The following TEX11 variants were observed in gnomAD, a reference collection of about 807,000 sequenced individuals.
TEX11 encodes the protein testis-expressed protein 11.
A neutral mutation model predicts 84.4 loss-of-function variants in TEX11; 7 were observed. The ratio of observed to expected loss-of-function variants is 0.08; its 90% CI spans 0.05 to 0.16. TEX11 has a LOEUF of 0.16. Among genes scored for constraint, TEX11 ranks in the 10% least tolerant of loss-of-function variants. The pLI is 1.00. For missense variants in TEX11, 551 were observed against 660.5 expected, an observed-to-expected ratio of 0.83 and a Z score of 1.82; for synonymous variants, 264 against 222.8, an observed-to-expected ratio of 1.18 and a Z score of -1.64.
chrX:70,893,897 C>G (rs1196563167), intron 2 of TEX11, among the ~76,000 whole-genome samples: 9 of 111,534 alleles, frequency 8.1e-5, no homozygotes, highest in Non-Finnish European at 1.7e-4. Context: ...AGGCTATCAC[C>G]ACTGGTCCCA....
chrX:70,874,603 T>A (rs1041221273), intron 3 of TEX11, among the ~76,000 whole-genome samples: 1 of 107,279 alleles, frequency 9.3e-6, no homozygotes, highest in Admixed American at 1.0e-4. Context: ...GGTTTCACCA[T>A]GTAGGCCAGA....
At position 70,851,600 on chromosome X, in the gene TEX11, G is replaced by A. The variant is rs774473134; in HGVS notation, c.525+1434C>T. ...GCAGTTTCTCAAAAGGTTAAACACA[G>A]ACTTAGAGTTACCATGCTACCCAAC... On this transcript the variant is annotated intron_variant, in intron 7 of 29. Coordinates refer to ENST00000374333, the MANE Select transcript of TEX11 (RefSeq NM_031276.3). 5.5e-5 allele frequency among the ~76,000 whole-genome samples: 6 copies of A among 108,406 alleles called. No homozygotes were observed. The South Asian group carries it at 2.4e-3, about 44-fold the overall frequency. 94.1% of individuals were successfully genotyped at this position (108,406 alleles called of 115,157 possible).
intron 11 of TEX11, among the ~76,000 whole-genome samples, chrX:70,732,701 A>G (rs1263536593): frequency 3.6e-5 from 4 of 111,345 alleles, no homozygotes; most frequent in South Asian, 3.8e-4. Flanking sequence ...AGGAAGAATC[A>G]ATATCATGAA....
At chrX:70,899,969 C>G (rs2091793248) in intron 2 of TEX11, among the ~76,000 whole-genome samples, 1 of 99,161 alleles carries the variant, frequency 1.0e-5, no homozygotes. Flanking sequence ...TTGGCCAGAA[C>G]AGCCTGGCCA....
At chrX:70,676,566 C>T (rs777331743) in intron 15 of TEX11, among the ~76,000 whole-genome samples, 10 of 111,571 alleles carry the variant, frequency 9.0e-5, no homozygotes, top group South Asian at 3.8e-4. Context: ...TGATTACGTG[C>T]GTTGGTGTCG....
chrX:70,709,805 G>A (rs1180742866), intron 13 of TEX11, among the ~76,000 whole-genome samples: 1 of 111,021 alleles, frequency 9.0e-6, no homozygotes, highest in African/African-American at 3.3e-5. Context: ...AGGCTTTCTG[G>A]TCTTTCTTTT....
intron 20 of TEX11, among the ~76,000 whole-genome samples, chrX:70,611,201 G>C (rs150042692): frequency 3.2e-4 from 36 of 112,382 alleles, no homozygotes; most frequent in African/African-American, 1.2e-3. Context: ...TAAGGAGCTT[G>C]GAAGTTGCCA....
intron 16 of TEX11, among the ~76,000 whole-genome samples, chrX:70,661,560 A>T (rs2089927270): frequency 8.9e-6 from 1 of 111,936 alleles, no homozygotes; most frequent in African/African-American, 3.2e-5. Context: ...GAGATCTGAG[A>T]ATAGACAGAC....
At chrX:70,673,941 TG>T (rs1182213791) in intron 15 of TEX11, among the ~76,000 whole-genome samples, 1 of 111,910 alleles carries the variant, frequency 8.9e-6, no homozygotes, top group Non-Finnish European at 1.9e-5. Context: ...GGTGAAGGTT[TG>T]TTACATAGGT....
intron 17 of TEX11, among the ~76,000 whole-genome samples, chrX:70,649,582 C>T (rs73634834): frequency 0.017 from 1,868 of 111,738 alleles, 37 homozygotes; most frequent in African/African-American, 0.058. Context: ...CACAGTCCCA[C>T]TCCTAGATAT....
At chrX:70,843,100 A>G (rs148923170) in intron 7 of TEX11, among the ~76,000 whole-genome samples, 35,622 of 110,685 alleles carry the variant, frequency 0.32, 4,464 homozygotes, top group Admixed American at 0.46. Context: ...AGCTACCAAC[A>G]ACTTTCTTCA....
chrX:70,763,729 G>A (rs372796115), intron 9 of TEX11, among the ~76,000 whole-genome samples: 4 of 111,318 alleles, frequency 3.6e-5, no homozygotes, highest in South Asian at 7.6e-4. Context: ...AAAACTATAA[G>A]AAGAGACAAA....
chrX:70,588,604 T>C (rs1298744315), intron 25 of TEX11, among the ~76,000 whole-genome samples: 1 of 111,693 alleles, frequency 9.0e-6, no homozygotes, highest in East Asian at 2.8e-4. Flanking sequence ...TCTCAGGCAG[T>C]TCTTTACAGC....
At chrX:70,521,081 C>T in the TEX11 span, among the ~76,000 whole-genome samples, 1 of 111,463 alleles carries the variant, frequency 9.0e-6, no homozygotes, top group Non-Finnish European at 1.9e-5. Flanking sequence ...CCCCTGACCC[C>T]TTGTGCTTCC....
intron 9 of TEX11, among the ~76,000 whole-genome samples, chrX:70,760,240 C>T (rs1484413960): frequency 1.8e-5 from 2 of 111,948 alleles, no homozygotes; most frequent in Non-Finnish European, 3.8e-5. Flanking sequence ...CAATGACTTT[C>T]TTCACAGAAT....
chrX:70,675,849 C>T (rs1196785511), intron 15 of TEX11, among the ~76,000 whole-genome samples: 3 of 111,202 alleles, frequency 2.7e-5, no homozygotes, highest in South Asian at 3.8e-4. Flanking sequence ...AGGCTGGTCT[C>T]GAACTCCTGA....
chrX:70,541,157 G>A (rs907877322), intron 28 of TEX11, among the ~76,000 whole-genome samples: 1 of 111,617 alleles, frequency 9.0e-6, no homozygotes, highest in Non-Finnish European at 1.9e-5. Context: ...CTGCACTCTA[G>A]CCTGGGTGAC....
chrX:70,548,029 G>A (rs368897287), intron 28 of TEX11, among the ~76,000 whole-genome samples: 3 of 111,939 alleles, frequency 2.7e-5, no homozygotes, highest in Non-Finnish European at 3.8e-5. Context: ...CAAATGTCCA[G>A]CAATGATAGA....
chrX:70,830,134 T>C lies in TEX11; in HGVS notation c.606+3379A>G, dbSNP rs758898787. On this transcript the variant is annotated intron_variant, in intron 8 of 29. Coordinates refer to ENST00000374333, the MANE Select transcript of TEX11 (RefSeq NM_031276.3). ...GCCTATAAGAAACACATTTCCCCTA[T>C]GAAGATACACACAGATTGAAAATAA... Among the ~76,000 whole-genome samples, 11 of 110,680 alleles carry C rather than the reference T, an allele frequency of 9.9e-5. No individual in the cohort carries two copies. In the East Asian group the frequency reaches 2.5e-3, roughly 26 times the overall value.
Sources: allele counts gnomAD v4.1 joint callset (sites outside exome capture counted in the v4.1 genomes callset), GRCh38; gene constraint gnomAD v4.1.1; transcripts MANE v1.5; gene names NCBI Gene and HGNC (gene_info 2026-07-23, HGNC 2026-07-21).